FYB1: variants seen among roughly 807,000 people sequenced by gnomAD.
FYB1 encodes the protein FYN binding protein 1.
Under a neutral mutation model 94.1 loss-of-function variants are expected in FYB1, and 41 were observed. That is an observed-to-expected ratio of 0.44 (90% confidence interval 0.34 to 0.57). FYB1 has a LOEUF of 0.57. FYB1 is among the 20% of genes least tolerant of loss of function. FYB1 has a pLI of 0.02. For synonymous variants in FYB1, 367 were observed against 353.2 expected (o/e 1.04, Z -0.44); for missense variants, 1,050 against 976.8 (o/e 1.07, Z -1.00).
Position 39,138,842 on chromosome 5 carries a change from G to A in FYB1, c.1360-151C>T, listed in dbSNP as rs1158153323. 1.0e-5 allele frequency: 7 copies of A among 668,918 alleles called. No individual in the cohort carries two copies. In the South Asian group the frequency reaches 1.1e-4, roughly 11 times the overall value. The allele number at this position is 668,918 out of a possible 1,614,324, so 41.4% of individuals were successfully genotyped here. On this transcript the variant is annotated intron_variant, in intron 5 of 18. Coordinates refer to ENST00000512982, the MANE Select transcript of FYB1 (RefSeq NM_001465.6). ...TGGTCCAGAGGAATAACTACTTAAA[G>A]GAGCCATACTGTGAATTATTTTTGA...
chr5:39,235,205 T>C (rs2150577718), intron 1 of FYB1, among the ~76,000 whole-genome samples: 1 of 151,570 alleles, frequency 6.6e-6, no homozygotes, highest in East Asian at 1.9e-4. Flanking sequence ...TAACTAGAAA[T>C]GGAGGCAAGA....
At chr5:39,176,429 C>T (rs984227675) in intron 2 of FYB1, among the ~76,000 whole-genome samples, 1 of 152,042 alleles carries the variant, frequency 6.6e-6, no homozygotes, top group Admixed American at 6.6e-5. Flanking sequence ...AGATTACAGG[C>T]ATGAGCCACC....
chr5:39,265,512 C>T (rs982540412), intron 1 of FYB1, among the ~76,000 whole-genome samples: 2 of 146,850 alleles, frequency 1.4e-5, no homozygotes, highest in African/African-American at 5.1e-5. Flanking sequence ...AAAAAATTAG[C>T]TGGGGATGGT....
At chr5:39,164,558 G>T (rs568446214) in intron 2 of FYB1, among the ~76,000 whole-genome samples, 1 of 152,142 alleles carries the variant, frequency 6.6e-6, no homozygotes, top group East Asian at 1.9e-4. Flanking sequence ...CTGAGTAGCT[G>T]GGATTATAGG....
chr5:39,249,760 G>T (rs1751637179), intron 1 of FYB1, among the ~76,000 whole-genome samples: 1 of 152,208 alleles, frequency 6.6e-6, no homozygotes, highest in Non-Finnish European at 1.5e-5. Context: ...GATGCACTCA[G>T]CAAGTTACAG....
intron 2 of FYB1, among the ~76,000 whole-genome samples, chr5:39,193,928 C>T (rs567416790): frequency 6.6e-6 from 1 of 152,328 alleles, no homozygotes; most frequent in African/African-American, 2.4e-5. Flanking sequence ...GCAAATTTAT[C>T]ACACTGGATT....
intron 2 of FYB1, among the ~76,000 whole-genome samples, chr5:39,182,311 G>A (rs1354063215): frequency 6.4e-4 from 18 of 28,262 alleles, no homozygotes; most frequent in Non-Finnish European, 1.0e-3. Flanking sequence ...GTGTGTGTGT[G>A]TGTGTGTGTG....
At chr5:39,259,946 GGGAGA>G (rs56703318) in intron 1 of FYB1, among the ~76,000 whole-genome samples, 5,009 of 152,264 alleles carry the variant, frequency 0.033, 104 homozygotes, top group Middle Eastern at 0.048. Context: ...TGCTAAAACT[GGGAGA>G]GTGCTGGACA....
At chr5:39,113,696 A>G (rs1160881977) in intron 16 of FYB1, among the ~76,000 whole-genome samples, 1 of 116,618 alleles carries the variant, frequency 8.6e-6, no homozygotes, top group Non-Finnish European at 1.9e-5. Flanking sequence ...ACAACATACT[A>G]TTTCATCATT....
At chr5:39,175,089 C>A (rs555074920) in intron 2 of FYB1, among the ~76,000 whole-genome samples, 7 of 151,948 alleles carry the variant, frequency 4.6e-5, no homozygotes, top group Admixed American at 4.6e-4. Flanking sequence ...GACAAATAAA[C>A]AATAAGGAGG....
intron 2 of FYB1, among the ~76,000 whole-genome samples, chr5:39,180,522 C>A (rs16868252): frequency 0.018 from 2,793 of 152,292 alleles, 98 homozygotes; most frequent in African/African-American, 0.061. Flanking sequence ...GCTGACCAGA[C>A]CAACCCAGGA....
At chr5:39,188,260 G>A (rs1427831404) in intron 2 of FYB1, among the ~76,000 whole-genome samples, 1 of 151,848 alleles carries the variant, frequency 6.6e-6, no homozygotes, top group African/African-American at 2.4e-5. Context: ...AGATATTTGA[G>A]TAACACCTTT....
chr5:39,264,921 C>T (rs1461805925), intron 1 of FYB1, among the ~76,000 whole-genome samples: 1 of 152,158 alleles, frequency 6.6e-6, no homozygotes, highest in Non-Finnish European at 1.5e-5. Context: ...GAGCTCAGTG[C>T]AAGGTATTTT....
intron 1 of FYB1, among the ~76,000 whole-genome samples, chr5:39,247,831 T>C (rs1751550119): frequency 6.6e-6 from 1 of 151,976 alleles, no homozygotes; most frequent in Non-Finnish European, 1.5e-5. Flanking sequence ...CTAATAAACA[T>C]TGAAAGTTTG....
chr5:39,217,128 C>T (rs1749929666), intron 1 of FYB1, among the ~76,000 whole-genome samples: 1 of 152,212 alleles, frequency 6.6e-6, no homozygotes, highest in Admixed American at 6.5e-5. Context: ...AGCATTCCAA[C>T]AATCACTTCT....
chr5:39,197,760 C>A (rs901820140), intron 2 of FYB1, among the ~76,000 whole-genome samples: 1 of 152,230 alleles, frequency 6.6e-6, no homozygotes, highest in African/African-American at 2.4e-5. Context: ...ATGGCAAAAT[C>A]TGGGGGCACT....
intron 2 of FYB1, among the ~76,000 whole-genome samples, chr5:39,185,597 CATATATAT>C (rs1200033416): frequency 8.5e-5 from 12 of 141,378 alleles, no homozygotes; most frequent in African/African-American, 2.1e-4. Context: ...CATATATATA[CATATATAT>C]ACACATATAT....
chr5:39,217,164 C>A lies in FYB1; in HGVS notation c.-28+2279G>T, dbSNP rs570626463. ...TATCAGTCAGCAACTATATAATAAA[C>A]ACCTGGGACATGCTTGGCCCTGGGC... On this transcript the variant is annotated intron_variant, in intron 1 of 18. Coordinates refer to ENST00000512982, the MANE Select transcript of FYB1 (RefSeq NM_001465.6). 9.2e-5 allele frequency among the ~76,000 whole-genome samples: 14 copies of A among 152,318 alleles called. No homozygotes were observed. In the South Asian group the frequency reaches 2.9e-3, roughly 32 times the overall value.
Position 39,202,035 on chromosome 5 carries a change from G to A in FYB1, c.926C>T (p.Pro309Leu), listed in dbSNP as rs768110972. The A allele has an allele frequency of 3.1e-6, 5 of 1,614,038 alleles. No individual in the cohort carries two copies. In the South Asian group the frequency reaches 5.5e-5, roughly 18 times the overall value. Residue 309 changes from proline (P) to leucine (L), a missense_variant, in exon 2 of 19, where the codon CCT becomes CTT. Pro to Leu is a moderately conservative substitution (Grantham distance 98). Transcript: ENST00000512982. ...AGGGGCCTTAGGGAACCTGGCAGGA[G>A]GAGTCCCTGAGGCCAACTCTTCCTG... ...INQEELASGT[P>L]PARFPKAPSK...
Sources: allele counts gnomAD v4.1 joint callset (sites outside exome capture counted in the v4.1 genomes callset), GRCh38; gene constraint gnomAD v4.1.1; transcripts MANE v1.5; gene names NCBI Gene and HGNC (gene_info 2026-07-23, HGNC 2026-07-21).